TLN2: variants seen among roughly 807,000 people sequenced by gnomAD.
TLN2 encodes the protein talin 2, also known as talin-2.
Under a neutral mutation model 294.7 loss-of-function variants are expected in TLN2, and 118 were observed. The ratio of observed to expected loss-of-function variants is 0.40; its 90% CI spans 0.34 to 0.47. TLN2 has a LOEUF of 0.47. TLN2 is among the 20% of genes least tolerant of loss of function. The probability of loss-of-function intolerance (pLI) is 0.84; values close to 1 mark genes in which losing one functional copy is unlikely to be tolerated. For synonymous variants in TLN2, 1,431 were observed against 1,304.5 expected (o/e 1.10, Z -2.09); for missense variants, 3,083 against 3,282.2 (o/e 0.94, Z 1.48).
At chr15:62,493,187 A>C (rs1216418858) in intron 1 of TLN2, among the ~76,000 whole-genome samples, 5 of 152,210 alleles carry the variant, frequency 3.3e-5, no homozygotes, top group Non-Finnish European at 5.9e-5. Flanking sequence ...AAACTGGGCA[A>C]GTACGAGTGA....
intron 1 of TLN2, among the ~76,000 whole-genome samples, chr15:62,399,377 TG>T (rs1218950879): frequency 1.3e-5 from 2 of 149,106 alleles, no homozygotes; most frequent in Non-Finnish European, 3.0e-5. Flanking sequence ...AAGGAAAATG[TG>T]GGGTCGGAAC....
At chr15:62,429,272 G>T (rs1488446977) in intron 1 of TLN2, among the ~76,000 whole-genome samples, 1 of 152,148 alleles carries the variant, frequency 6.6e-6, no homozygotes, top group Non-Finnish European at 1.5e-5. Context: ...TTCTGCCTGG[G>T]ATATCTGAGT....
intron 2 of TLN2, among the ~76,000 whole-genome samples, chr15:62,611,916 C>T (rs2047948698): frequency 6.6e-6 from 1 of 152,160 alleles, no homozygotes; most frequent in Admixed American, 6.5e-5. Context: ...TTTGGAAGTA[C>T]TTAGGAAGTG....
intron 14 of TLN2, among the ~76,000 whole-genome samples, chr15:62,695,072 A>G (rs966725167): frequency 2.0e-5 from 3 of 152,190 alleles, no homozygotes; most frequent in Admixed American, 1.3e-4. Context: ...CATCCTCATG[A>G]TCATTGTTTT....
At chr15:62,601,856 C>T (rs555407757) in intron 2 of TLN2, among the ~76,000 whole-genome samples, 5 of 152,248 alleles carry the variant, frequency 3.3e-5, no homozygotes, top group East Asian at 1.9e-4. Context: ...TGATGCGTTT[C>T]AATTTAATAT....
At chr15:62,625,300 C>T (rs569457118) in intron 3 of TLN2, among the ~76,000 whole-genome samples, 1 of 152,298 alleles carries the variant, frequency 6.6e-6, no homozygotes, top group East Asian at 1.9e-4. Flanking sequence ...ATGGAGTCAT[C>T]TTGATCACCC....
chr15:62,652,272 G>T, intron 6 of TLN2, 138 bp downstream of exon 6: 2 of 915,510 alleles, frequency 2.2e-6, no homozygotes, highest in Non-Finnish European at 3.0e-6. Flanking sequence ...TCCCCAGAGG[G>T]TGTGTCCATT....
At chr15:62,457,092 G>A (rs571286061) in intron 1 of TLN2, among the ~76,000 whole-genome samples, 42 of 152,324 alleles carry the variant, frequency 2.8e-4, no homozygotes, top group African/African-American at 9.4e-4. Context: ...GGTTGCTATT[G>A]GAAAATGCTG....
At chr15:62,747,904 C>A (rs1455197727) in intron 32 of TLN2, among the ~76,000 whole-genome samples, 1 of 152,116 alleles carries the variant, frequency 6.6e-6, no homozygotes, top group Admixed American at 6.5e-5. Context: ...GGAAGTGGAT[C>A]ATCATAAAGG....
chr15:62,479,784 C>T (rs545431592), intron 1 of TLN2, among the ~76,000 whole-genome samples: 5 of 152,356 alleles, frequency 3.3e-5, no homozygotes, highest in African/African-American at 1.2e-4. Context: ...CCATGCCCGG[C>T]CTTCTTTGTC....
chr15:62,400,672 T>C (rs2032949270), intron 1 of TLN2, among the ~76,000 whole-genome samples: 1 of 152,230 alleles, frequency 6.6e-6, no homozygotes, highest in Non-Finnish European at 1.5e-5. Flanking sequence ...TTGAGAATAA[T>C]ATGGTGACCA....
intron 9 of TLN2, among the ~76,000 whole-genome samples, chr15:62,663,428 C>CATTAA (rs1278692405): frequency 6.6e-6 from 1 of 150,586 alleles, no homozygotes; most frequent in Admixed American, 6.6e-5. Flanking sequence ...TACTAAATAT[C>CATTAA]CTAATGAGTG....
chr15:62,464,180 C>G (rs761298759), intron 1 of TLN2, among the ~76,000 whole-genome samples: 7 of 152,166 alleles, frequency 4.6e-5, no homozygotes, highest in Admixed American at 1.3e-4. Flanking sequence ...ACCCACATGT[C>G]TATCAGTGAT....
chr15:62,559,948 C>G lies in TLN2; in HGVS notation c.-237-29739C>G, dbSNP rs140116094. Among the ~76,000 whole-genome samples the G allele has an allele frequency of 5.4e-3, 823 of 152,278 alleles. 32 individuals carry two copies. Among genetic ancestry groups the G allele is most frequent in the Admixed American group, 0.046 (701 of 15,296 alleles). On this transcript the variant is annotated intron_variant, in intron 1 of 58. Coordinates refer to ENST00000636159, the MANE Select transcript of TLN2 (RefSeq NM_015059.3). The stretch of plus-strand genomic sequence containing the variant: ...ATCTTCCAACCACTGAACTAGAGTT[C>G]CACCAAATAGAATGGCTCAGTTACC...
chr15:62,547,665 C>T (rs533813851), intron 1 of TLN2, among the ~76,000 whole-genome samples: 23 of 152,166 alleles, frequency 1.5e-4, no homozygotes, highest in Non-Finnish European at 2.2e-4. Flanking sequence ...GTGTTGCCCC[C>T]AGGATGATAT....
intron 1 of TLN2, among the ~76,000 whole-genome samples, chr15:62,434,439 G>A (rs920442267): frequency 6.6e-5 from 10 of 152,014 alleles, no homozygotes; most frequent in African/African-American, 2.4e-4. Flanking sequence ...TGACATTTGG[G>A]TCTTTTTTTT....
At chr15:62,539,379 C>T (rs928718134) in intron 1 of TLN2, among the ~76,000 whole-genome samples, 2 of 152,096 alleles carry the variant, frequency 1.3e-5, no homozygotes, top group African/African-American at 4.8e-5. Flanking sequence ...GTGATGGTGG[C>T]ATTCTCAACA....
At chr15:62,611,255 T>C (rs117404504) in intron 2 of TLN2, among the ~76,000 whole-genome samples, 181 of 152,328 alleles carry the variant, frequency 1.2e-3, no homozygotes, top group Non-Finnish European at 2.2e-3. Context: ...GCCCCAATGA[T>C]TGAAAAAAAC....
chr15:62,464,115 C>A (rs1405541220), intron 1 of TLN2, among the ~76,000 whole-genome samples: 1 of 152,186 alleles, frequency 6.6e-6, no homozygotes, highest in Non-Finnish European at 1.5e-5. Context: ...TATGAAGACA[C>A]ACACAAACGT....
Sources: allele counts gnomAD v4.1 joint callset (sites outside exome capture counted in the v4.1 genomes callset), GRCh38; gene constraint gnomAD v4.1.1; transcripts MANE v1.5; gene names NCBI Gene and HGNC (gene_info 2026-07-23, HGNC 2026-07-21).